The following TMEM135 variants were observed in gnomAD, a reference collection of about 807,000 sequenced individuals.
TMEM135 encodes the protein transmembrane protein 135.
TMEM135 carries 30 observed loss-of-function variants against 60.3 expected under a neutral mutation model. That is an observed-to-expected ratio of 0.50 (90% CI 0.37 to 0.68). The LOEUF (loss-of-function observed/expected upper bound fraction) is 0.68. Among genes scored for constraint, TMEM135 ranks in the 30% least tolerant of loss-of-function variants. The probability of loss-of-function intolerance (pLI) is 0.00; values close to 1 mark genes in which losing one functional copy is unlikely to be tolerated. For missense variants in TMEM135, 468 were observed against 548.8 expected (o/e 0.85, Z 1.47); for synonymous variants, 190 against 186.7 (o/e 1.02, Z -0.14).
At chr11:87,105,437 C>G (rs1857569911) in intron 4 of TMEM135, among the ~76,000 whole-genome samples, 1 of 152,106 alleles carries the variant, frequency 6.6e-6, no homozygotes, top group African/African-American at 2.4e-5. Context: ...AACCAACTCC[C>G]ACGGACCCAC....
chr11:87,118,089 T>TG (rs1212931576), intron 4 of TMEM135, among the ~76,000 whole-genome samples: 2 of 151,892 alleles, frequency 1.3e-5, no homozygotes, highest in Non-Finnish European at 2.9e-5. Flanking sequence ...GAATTTTTTT[T>TG]TTCTGAGTAG....
At chr11:87,050,965 C>G (rs1416145158) in intron 1 of TMEM135, among the ~76,000 whole-genome samples, 1 of 65,044 alleles carries the variant, frequency 1.5e-5, no homozygotes, top group Non-Finnish European at 2.6e-5. Flanking sequence ...AGCTTATCCA[C>G]CATGATCAAG....
chr11:87,039,972 G>A (rs898354909), intron 1 of TMEM135, among the ~76,000 whole-genome samples: 29 of 152,158 alleles, frequency 1.9e-4, no homozygotes, highest in African/African-American at 7.0e-4. Flanking sequence ...GGGTGTTCAG[G>A]AAAAGAGTTG....
chr11:87,138,267 T>C (rs1938162703), intron 4 of TMEM135, among the ~76,000 whole-genome samples: 1 of 151,958 alleles, frequency 6.6e-6, no homozygotes, highest in Non-Finnish European at 1.5e-5. Context: ...ATTTTTGTAT[T>C]TTTAATAGAG....
intron 6 of TMEM135, among the ~76,000 whole-genome samples, chr11:87,283,644 A>G (rs4944694): frequency 0.37 from 55,729 of 152,064 alleles, 10,884 homozygotes; most frequent in Non-Finnish European, 0.43. Context: ...TGGATCATGC[A>G]GCCAGGAGTT....
chr11:87,231,821 A>G (rs1303980395), intron 5 of TMEM135, among the ~76,000 whole-genome samples: 3 of 152,132 alleles, frequency 2.0e-5, no homozygotes, highest in Non-Finnish European at 4.4e-5. Context: ...TAGAGATGAA[A>G]ATTAAAATAT....
intron 6 of TMEM135, among the ~76,000 whole-genome samples, chr11:87,257,105 C>T (rs1941541694): frequency 6.6e-6 from 1 of 152,166 alleles, no homozygotes; most frequent in Non-Finnish European, 1.5e-5. Context: ...TTGAGTGTGA[C>T]TAAACATCCA....
chr11:87,235,072 A>T (rs911176506), intron 5 of TMEM135, among the ~76,000 whole-genome samples: 8 of 152,018 alleles, frequency 5.3e-5, no homozygotes, highest in Admixed American at 1.3e-4. Flanking sequence ...AGAGAAATTT[A>T]AAAAAATTGA....
At chr11:87,188,205 T>G (rs1157955950) in intron 5 of TMEM135, among the ~76,000 whole-genome samples, 1 of 152,102 alleles carries the variant, frequency 6.6e-6, no homozygotes, top group Non-Finnish European at 1.5e-5. Flanking sequence ...ATATTTTTGT[T>G]CATACGCCAC....
chr11:87,145,673 T>G (rs1938394658), intron 4 of TMEM135, among the ~76,000 whole-genome samples: 1 of 141,556 alleles, frequency 7.1e-6, no homozygotes, highest in East Asian at 2.4e-4. Flanking sequence ...ATTTCTCTGC[T>G]AATTTCTGAT....
intron 5 of TMEM135, among the ~76,000 whole-genome samples, chr11:87,190,521 ACT>A (rs1939774579): frequency 6.6e-6 from 1 of 152,152 alleles, no homozygotes; most frequent in Non-Finnish European, 1.5e-5. Context: ...TAAAAAGGTA[ACT>A]CTCTGTAGGT....
intron 6 of TMEM135, among the ~76,000 whole-genome samples, chr11:87,259,859 G>C (rs1170383425): frequency 6.6e-6 from 1 of 152,072 alleles, no homozygotes; most frequent in Non-Finnish European, 1.5e-5. Context: ...GGAAAAAGTG[G>C]GTCTCTTCCC....
At chr11:87,250,161 C>G (rs962386327) in intron 6 of TMEM135, among the ~76,000 whole-genome samples, 1 of 152,074 alleles carries the variant, frequency 6.6e-6, no homozygotes, top group African/African-American at 2.4e-5. Context: ...ATGAATCGCA[C>G]TGTCTCCTTT....
chr11:87,189,758 G>GGAAAAAAAAAAAAAAA (rs1939751889), intron 5 of TMEM135, among the ~76,000 whole-genome samples: 1 of 115,562 alleles, frequency 8.7e-6, no homozygotes, highest in Non-Finnish European at 1.8e-5. Flanking sequence ...CGTCTCCACA[G>GGAAAAAAAAAAAAAAA]AAAAAAAAAA....
rs753187481 is a variant in TMEM135 at position 87,325,851 on chromosome 11, A to T, written c.*4518A>T. On this transcript the variant is annotated 3_prime_UTR_variant, in exon 15 of 15. Transcript: ENST00000305494. Reference sequence around the variant, plus strand: ...TCTTAAAACCCCGTAACATCACTTGACTCTGGAATTTCCTATTTTCTTTTA... The same window carrying T: ...TCTTAAAACCCCGTAACATCACTTGTCTCTGGAATTTCCTATTTTCTTTTA... 7.5e-5 allele frequency: 34 copies of T among 453,536 alleles called. No homozygotes were observed. Among genetic ancestry groups the T allele is most frequent in the South Asian group, 4.2e-4 (27 of 64,462 alleles). 28.1% of individuals were successfully genotyped at this position (453,536 alleles called of 1,614,324 possible).
chr11:87,129,275 T>A (rs1003723302), intron 4 of TMEM135, among the ~76,000 whole-genome samples: 2 of 91,134 alleles, frequency 2.2e-5, no homozygotes, highest in East Asian at 8.3e-4. Context: ...CGGAGTCTTG[T>A]TCTGTTGCCC....
At chr11:87,313,591 C>T in intron 11 of TMEM135, 103 bp downstream of exon 11, 1 of 1,033,560 alleles carries the variant, frequency 9.7e-7, no homozygotes, top group Non-Finnish European at 1.5e-6. Context: ...ATCTTCCTTT[C>T]TCTATCGTAA....
intron 7 of TMEM135, among the ~76,000 whole-genome samples, chr11:87,301,350 C>T (rs556300480): frequency 6.6e-6 from 1 of 152,064 alleles, no homozygotes; most frequent in Admixed American, 6.5e-5. Flanking sequence ...AATTCCTAAG[C>T]TCAAGCAATC....
intron 4 of TMEM135, among the ~76,000 whole-genome samples, chr11:87,146,950 A>G (rs1012362229): frequency 2.6e-5 from 4 of 152,146 alleles, no homozygotes; most frequent in African/African-American, 9.7e-5. Flanking sequence ...ATTTATATTT[A>G]TAAATTGCAT....
Sources: gnomAD v4.1 joint callset for allele counts (sites outside exome capture counted in the v4.1 genomes callset) on GRCh38, gnomAD v4.1.1 for gene constraint, MANE v1.5 for transcripts, NCBI Gene and HGNC (gene_info 2026-07-23, HGNC 2026-07-21) for gene names.